The following NKAIN3 variants were observed in gnomAD, a reference collection of about 807,000 sequenced individuals.
The protein encoded by NKAIN3 is sodium/potassium transporting ATPase interacting 3.
In NKAIN3, 25 loss-of-function variants were observed where a neutral mutation model predicts 30.2. The observed-to-expected ratio is 0.83, with a 90% confidence interval of 0.60 to 1.16. The LOEUF (loss-of-function observed/expected upper bound fraction) is 1.16. Among genes scored for constraint, NKAIN3 ranks in the 50% most tolerant of loss-of-function variants. The probability of loss-of-function intolerance (pLI) is 0.00; values close to 1 mark genes in which losing one functional copy is unlikely to be tolerated. For missense variants in NKAIN3, 225 were observed against 254.1 expected (o/e 0.89, Z 0.78); for synonymous variants, 91 against 89.6 (o/e 1.02, Z -0.09).
chr8:62,613,461 T>G (rs1811353459), intron 3 of NKAIN3, among the ~76,000 whole-genome samples: 1 of 152,144 alleles, frequency 6.6e-6, no homozygotes, highest in African/African-American at 2.4e-5. Context: ...TCTTTATCCT[T>G]GATCTTTGGG....
rs576268406 is a variant in NKAIN3, at chr8:62,608,936, G to A, written c.273+19142G>A. 5.3e-5 allele frequency among the ~76,000 whole-genome samples: 8 copies of A among 152,220 alleles called. No homozygotes were observed. In the South Asian group the frequency reaches 1.0e-3, roughly 20 times the overall value. ...AATAAAATCATGGTTTTCTGTGTTT[G>A]AGTGTTTGACTAAATGTTAGACTAG... On this transcript the variant is annotated intron_variant, in intron 3 of 6. Transcript: ENST00000623646.
intron 4 of NKAIN3, among the ~76,000 whole-genome samples, chr8:62,870,208 G>GTATA (rs1386718344): frequency 3.2e-5 from 1 of 31,088 alleles, no homozygotes; most frequent in Non-Finnish European, 6.9e-5. Context: ...ACTCTATTTT[G>GTATA]TATATATATA....
At chr8:62,448,927 A>G (rs1247780888) in intron 1 of NKAIN3, among the ~76,000 whole-genome samples, 7 of 151,878 alleles carry the variant, frequency 4.6e-5, no homozygotes, top group African/African-American at 1.7e-4. Context: ...TTGAGGTTAT[A>G]TTGTCTTATC....
chr8:62,796,163 C>T (rs1196044964), intron 4 of NKAIN3, among the ~76,000 whole-genome samples: 1 of 151,844 alleles, frequency 6.6e-6, no homozygotes, highest in Non-Finnish European at 1.5e-5. Flanking sequence ...ACAGGTGGAT[C>T]ACTTGAGGCC....
chr8:62,589,790 C>G lies in NKAIN3; in HGVS notation c.269C>G (p.Ser90Ter). 1 of 1,586,144 alleles carries G rather than the reference C, an allele frequency of 6.3e-7. No homozygotes were observed. The change falls in exon 3 of 7, where the codon TCA becomes TGA. Residue 90 changes from serine (S) to a stop codon, truncating the protein, a stop_gained. Coordinates refer to ENST00000623646, the MANE Select transcript of NKAIN3 (RefSeq NM_001304533.3). LOFTEE classifies it high-confidence loss of function. ...TTTTATTTGGAAGTAGGTGGACTCT[C>G]AAAGGTGAGTTTATCATGCTTTTAA... ...ICFYLEVGGL[S>*]KDTDLMTFNI...
intron 4 of NKAIN3, among the ~76,000 whole-genome samples, chr8:62,763,549 G>A (rs1308353781): frequency 2.6e-5 from 4 of 152,100 alleles, no homozygotes; most frequent in Non-Finnish European, 5.9e-5. Context: ...TTATTACTTA[G>A]TAACAAAGAT....
In NKAIN3 at chr8:62,355,998, A is replaced by C. The variant is rs72649378; in HGVS notation, c.54+106871A>C. Among the ~76,000 whole-genome samples the C allele has an allele frequency of 5.7e-3, 869 of 152,326 alleles. 3 individuals carry two copies. Among genetic ancestry groups the C allele is most frequent in the Non-Finnish European group, 9.8e-3 (668 of 68,024 alleles). ...AAGACAATATTTAAAAACCTTGTGA[A>C]TAGTAACTTCCAACGGTGGCAGGTA... On this transcript the variant is annotated intron_variant, in intron 1 of 6. Transcript: ENST00000623646.
chr8:62,477,345 T>TAAA (rs10629947), intron 1 of NKAIN3, among the ~76,000 whole-genome samples: 119 of 151,176 alleles, frequency 7.9e-4, no homozygotes, highest in Non-Finnish European at 4.7e-4. Context: ...GCACTGGCAG[T>TAAA]AAAAAAAAAT....
chr8:62,592,544 C>T (rs1810685502), intron 3 of NKAIN3, among the ~76,000 whole-genome samples: 1 of 151,592 alleles, frequency 6.6e-6, no homozygotes, highest in South Asian at 2.1e-4. Context: ...AGTAAGAAAC[C>T]AAAGCAGATG....
At chr8:62,278,035 G>A (rs1156384830) in intron 1 of NKAIN3, among the ~76,000 whole-genome samples, 2 of 152,158 alleles carry the variant, frequency 1.3e-5, no homozygotes, top group African/African-American at 4.8e-5. Flanking sequence ...GAGACAGGCA[G>A]AGCAAGTAAG....
chr8:62,444,649 A>C (rs1480201504), intron 1 of NKAIN3, among the ~76,000 whole-genome samples: 1 of 152,182 alleles, frequency 6.6e-6, no homozygotes, highest in Non-Finnish European at 1.5e-5. Flanking sequence ...TATTTTGGCT[A>C]TTGTAAATAG....
chr8:62,283,505 A>T (rs1813271332), intron 1 of NKAIN3, among the ~76,000 whole-genome samples: 1 of 152,174 alleles, frequency 6.6e-6, no homozygotes, highest in African/African-American at 2.4e-5. Flanking sequence ...AAAATTTTCC[A>T]GTACCTGGAT....
At chr8:62,799,127 T>C (rs1482238341) in intron 4 of NKAIN3, among the ~76,000 whole-genome samples, 1 of 152,180 alleles carries the variant, frequency 6.6e-6, no homozygotes, top group Non-Finnish European at 1.5e-5. Context: ...GGGAATTGTA[T>C]GTGGAGATCT....
intron 1 of NKAIN3, among the ~76,000 whole-genome samples, chr8:62,281,325 G>C (rs548644182): frequency 6.6e-6 from 1 of 151,988 alleles, no homozygotes; most frequent in Non-Finnish European, 1.5e-5. Flanking sequence ...CAAAAAACCA[G>C]CTCCTGGATT....
intron 1 of NKAIN3, among the ~76,000 whole-genome samples, chr8:62,353,542 T>G (rs528219138): frequency 5.3e-5 from 8 of 152,332 alleles, no homozygotes; most frequent in Non-Finnish European, 1.2e-4. Flanking sequence ...ATTATCTGTT[T>G]TTTAAGGAAA....
intron 1 of NKAIN3, among the ~76,000 whole-genome samples, chr8:62,259,507 A>C (rs991449923): frequency 6.6e-6 from 1 of 152,206 alleles, no homozygotes; most frequent in Non-Finnish European, 1.5e-5. Flanking sequence ...AGACTAAAAT[A>C]CTTCATCAAT....
At chr8:62,517,154 TTGG>T (rs1449178559) in intron 1 of NKAIN3, among the ~76,000 whole-genome samples, 1 of 152,100 alleles carries the variant, frequency 6.6e-6, no homozygotes, top group African/African-American at 2.4e-5. Flanking sequence ...ATTGCAGAGG[TTGG>T]TGGTGACTTT....
intron 1 of NKAIN3, among the ~76,000 whole-genome samples, chr8:62,393,400 C>A (rs1817632623): frequency 6.6e-6 from 1 of 151,814 alleles, no homozygotes; most frequent in East Asian, 1.9e-4. Flanking sequence ...GTTGAAAACC[C>A]ATCTACAATA....
At chr8:62,586,977 T>C (rs1471263628) in intron 2 of NKAIN3, among the ~76,000 whole-genome samples, 1 of 152,074 alleles carries the variant, frequency 6.6e-6, no homozygotes, top group Non-Finnish European at 1.5e-5. Context: ...GTAAGCCTGC[T>C]TTATAATAAC....
Sources: gnomAD v4.1 joint callset for allele counts (sites outside exome capture counted in the v4.1 genomes callset) on GRCh38, gnomAD v4.1.1 for gene constraint, MANE v1.5 for transcripts, NCBI Gene and HGNC (gene_info 2026-07-23, HGNC 2026-07-21) for gene names.